ATP4A: variants seen among roughly 807,000 people sequenced by gnomAD.
The protein encoded by ATP4A is potassium-transporting ATPase alpha chain 1.
ATP4A carries 73 observed loss-of-function variants against 112.1 expected under a neutral mutation model. That is an observed-to-expected ratio of 0.65 (90% CI 0.54 to 0.79). The LOEUF (loss-of-function observed/expected upper bound fraction) is 0.79, where lower values mean the gene tolerates loss of function less well. ATP4A is among the 30% of genes least tolerant of loss of function. The pLI, the probability that ATP4A is intolerant of heterozygous loss-of-function variation, is 0.00. For synonymous variants in ATP4A, 588 were observed against 588.9 expected (o/e 1.00, Z 0.02); for missense variants, 1,081 against 1,425.9 (o/e 0.76, Z 3.90).
At position 35,550,608 on chromosome 19, in the gene ATP4A, C is replaced by T. The variant is rs767499926; in HGVS notation, c.*7G>A. The stretch of plus-strand genomic sequence containing the variant: ...AGTTGCAGGGATGCTTGAAGGCAGT[C>T]GTCCCTCTAATAGTAGAGTTCCTGG... On this transcript the variant is annotated 3_prime_UTR_variant, in exon 22 of 22. Coordinates refer to ENST00000262623, the MANE Select transcript of ATP4A (RefSeq NM_000704.3). The surrounding 1 kb of genome is among the most constrained non-coding windows in gnomAD (Gnocchi z 4.1). 36 of 1,613,726 alleles carry T rather than the reference C, an allele frequency of 2.2e-5. No homozygotes were observed. Among genetic ancestry groups the T allele is most frequent in the African/African-American group, 2.7e-5 (2 of 74,870 alleles).
Position 35,555,135 on chromosome 19 carries a change from C to T in ATP4A, c.2326+31G>A, listed in dbSNP as rs373242882. On this transcript the variant is annotated intron_variant, in intron 15 of 21. Transcript: ENST00000262623. The surrounding 1 kb of genome is among the most constrained non-coding windows in gnomAD (Gnocchi z 6.6). Reference sequence around the variant, plus strand: ...CAGCCCTCTCCCTCCTGTGCCCACACTGCCTGCCCTCCCCCTGGCGTGGCT... The same window carrying T: ...CAGCCCTCTCCCTCCTGTGCCCACATTGCCTGCCCTCCCCCTGGCGTGGCT... The T allele has an allele frequency of 4.6e-5, 74 of 1,614,070 alleles. No homozygotes were observed. In the African/African-American group the frequency reaches 6.4e-4, roughly 14 times the overall value.
rs1464586608 is a variant in ATP4A, at chr19:35,560,158, C to T, written c.788-85G>A. 3 of 1,565,000 alleles carry T rather than the reference C, an allele frequency of 1.9e-6. No individual in the cohort carries two copies. In the Admixed American group the frequency reaches 5.2e-5, roughly 27 times the overall value. On this transcript the variant is annotated intron_variant, in intron 6 of 21. Coordinates refer to ENST00000262623, the MANE Select transcript of ATP4A (RefSeq NM_000704.3). The surrounding 1 kb of genome is among the most constrained non-coding windows in gnomAD (Gnocchi z 5.1). ...GTGTGAGCTGAAGGACAGCCAGTCACTGCCAGTGGAGGATGTGACCTGGGA... is the reference window on the plus strand; with the variant it reads ...GTGTGAGCTGAAGGACAGCCAGTCATTGCCAGTGGAGGATGTGACCTGGGA...
intron 4 of ATP4A, 41 bp downstream of exon 4, chr19:35,562,394 A>G (rs773094164): frequency 1.3e-6 from 2 of 1,590,102 alleles, no homozygotes; most frequent in South Asian, 1.1e-5. Context: ...TTCCATCCCC[A>G]GGTCCCCATG....
chr19:35,553,967 A>G (rs1257036183), intron 16 of ATP4A, 138 bp from the exon 17 acceptor site: 1 of 1,291,978 alleles, frequency 7.7e-7, no homozygotes, highest in African/African-American at 1.5e-5. Flanking sequence ...CGGCACAGCC[A>G]CACCAGCCTG....
At position 35,551,305 on chromosome 19, in the gene ATP4A, C is replaced by T. The variant is rs2301617; in HGVS notation, c.2885+142G>A. On this transcript the variant is annotated intron_variant, in intron 19 of 21. Transcript: ENST00000262623. The surrounding 1 kb of genome is among the most constrained non-coding windows in gnomAD (Gnocchi z 5.2). ...AGGGGGCCGTGGGGGGAGTTATTGG[C>T]CAGTTAGAAAGGTTTTTTTGGCATG... The T allele has an allele frequency of 0.21, 288,536 of 1,379,284 alleles. 36,646 individuals are homozygous for T. Among genetic ancestry groups the T allele is most frequent in the East Asian group, 0.63 (25,459 of 40,488 alleles). 85.4% of individuals were successfully genotyped at this position (1,379,284 alleles called of 1,614,324 possible).
chr19:35,557,567 C>T lies in ATP4A; in HGVS notation c.1693+88G>A. On this transcript the variant is annotated intron_variant, in intron 11 of 21. Coordinates refer to ENST00000262623, the MANE Select transcript of ATP4A (RefSeq NM_000704.3). This position sits in a 1 kb window ranked among gnomAD's most constrained non-coding sequence, Gnocchi z 4.4. ...ATCAGCCAGCAGCCAGGGATGAGGA[C>T]GGTCAGGGCTGGGCCGGGAGTGGTG... 2 of 1,434,362 alleles carry T rather than the reference C, an allele frequency of 1.4e-6. No homozygotes were observed. The highest frequency in any genetic ancestry group is 2.5e-4 in the Middle Eastern group (1 of 3,952). The allele number at this position is 1,434,362 out of a possible 1,614,324, so 88.9% of individuals were successfully genotyped here.
At position 35,560,660 on chromosome 19, in the gene ATP4A, TGG is replaced by T; in HGVS notation, c.535-47_535-46del. ...AAGTTGAGGTGGACGGGGGTGGGGG[TGG>T]GAGCTGCTGCATGTGGGGAGGTAAA... On this transcript the variant is annotated intron_variant, in intron 5 of 21. Transcript: ENST00000262623. The surrounding 1 kb of genome is among the most constrained non-coding windows in gnomAD (Gnocchi z 5.1). 1 of 733,692 alleles carries T rather than the reference TGG, an allele frequency of 1.4e-6. No homozygotes were observed. The highest frequency in any genetic ancestry group is 2.0e-6 in the Non-Finnish European group (1 of 496,776). The allele number at this position is 733,692 out of a possible 1,614,324, so 45.4% of individuals were successfully genotyped here.
In ATP4A at chr19:35,551,062, AGCAGCCGAT is replaced by A. The variant is rs1298978588; in HGVS notation, c.2926_2934del (p.Ile976_Cys978del). 6.2e-7 allele frequency: 1 copy of A among 1,613,704 alleles called. No homozygotes were observed. Among genetic ancestry groups the A allele is most frequent in the Non-Finnish European group, 8.5e-7 (1 of 1,179,854 alleles). ...GGCATGCCGGGGCAGTAGCACAGGA[AGCAGCCGAT>A]GCAGACCTGGAACACGATGGCGATC... On this transcript the variant is annotated inframe_deletion, in exon 20 of 22. Transcript: ENST00000262623. The surrounding 1 kb of genome is among the most constrained non-coding windows in gnomAD (Gnocchi z 5.2).
Position 35,551,717 on chromosome 19 carries a change from G to T in ATP4A, c.2752-137C>A. The stretch of plus-strand genomic sequence containing the variant: ...CTCTGCCTTGCATCAGAGTGTGGGG[G>T]TGGGGGGAAGGAGAGAGGCAGGGTC... On this transcript the variant is annotated intron_variant, in intron 18 of 21. Coordinates refer to ENST00000262623, the MANE Select transcript of ATP4A (RefSeq NM_000704.3). This position sits in a 1 kb window ranked among gnomAD's most constrained non-coding sequence, Gnocchi z 5.2. The T allele has an allele frequency of 2.5e-6, 3 of 1,195,126 alleles. No individual in the cohort carries two copies. Among genetic ancestry groups the T allele is most frequent in the Non-Finnish European group, 3.5e-6 (3 of 853,786 alleles). The allele number at this position is 1,195,126 out of a possible 1,614,324, so 74.0% of individuals were successfully genotyped here.
In ATP4A at chr19:35,555,319, C is replaced by T. The variant is rs767066130; in HGVS notation, c.2173G>A (p.Val725Ile). The change falls in exon 15 of 22, where the codon GTC (valine) becomes ATC (isoleucine). Residue 725 changes from valine (V) to isoleucine (I), a missense_variant. Transcript: ENST00000262623. The surrounding 1 kb of genome is among the most constrained non-coding windows in gnomAD (Gnocchi z 6.6). ...SCQRLGAIVA[V>I]TGDGVNDSPA... is the part of the protein sequence containing the mutation. ...GAGTCATTCACACCATCCCCCGTGACGGCCACAATCGCACCCTGCAGGCAG... is the reference window on the plus strand; with the variant it reads ...GAGTCATTCACACCATCCCCCGTGATGGCCACAATCGCACCCTGCAGGCAG... 27 of 1,613,654 alleles carry T rather than the reference C, an allele frequency of 1.7e-5. No individual in the cohort carries two copies. The highest frequency in any genetic ancestry group is 2.1e-5 in the Non-Finnish European group (25 of 1,179,818).
intron 16 of ATP4A, 126 bp downstream of exon 16, chr19:35,554,796 C>T: frequency 1.5e-6 from 2 of 1,353,328 alleles, no homozygotes; most frequent in Non-Finnish European, 1.0e-6. Context: ...GCTGTCATTG[C>T]ACACACAGGT....
chr19:35,550,489 A>G lies in ATP4A; in HGVS notation c.*126T>C, dbSNP rs2071595067. 3 of 1,299,582 alleles carry G rather than the reference A, an allele frequency of 2.3e-6. No homozygotes were observed. Among genetic ancestry groups the G allele is most frequent in the Non-Finnish European group, 3.2e-6 (3 of 925,820 alleles). The allele number at this position is 1,299,582 out of a possible 1,614,324, so 80.5% of individuals were successfully genotyped here. A position where few individuals can be genotyped will look rare whatever the true frequency, so the allele number is the denominator to read the frequency against. ...AAGTTTGGGGTGCCGTGGGCTACAG[A>G]AGCAGATACTGGTGGGGCTGGGACT... On this transcript the variant is annotated 3_prime_UTR_variant, in exon 22 of 22. Coordinates refer to ENST00000262623, the MANE Select transcript of ATP4A (RefSeq NM_000704.3). This position sits in a 1 kb window ranked among gnomAD's most constrained non-coding sequence, Gnocchi z 4.1.
chr19:35,550,491 G>A lies in ATP4A; in HGVS notation c.*124C>T. 7.6e-7 allele frequency: 1 copy of A among 1,311,740 alleles called. No homozygotes were observed. Among genetic ancestry groups the A allele is most frequent in the Admixed American group, 2.0e-5 (1 of 49,480 alleles). 81.3% of individuals were successfully genotyped at this position (1,311,740 alleles called of 1,614,324 possible). On this transcript the variant is annotated 3_prime_UTR_variant, in exon 22 of 22. Transcript: ENST00000262623. The surrounding 1 kb of genome is among the most constrained non-coding windows in gnomAD (Gnocchi z 4.1). The stretch of plus-strand genomic sequence containing the variant: ...GTTTGGGGTGCCGTGGGCTACAGAA[G>A]CAGATACTGGTGGGGCTGGGACTCT...
chr19:35,559,297 G>T lies in ATP4A; in HGVS notation c.1057-106C>A. 1 of 1,196,432 alleles carries T rather than the reference G, an allele frequency of 8.4e-7. No homozygotes were observed. The highest frequency in any genetic ancestry group is 1.2e-6 in the Non-Finnish European group (1 of 833,902). The allele number at this position is 1,196,432 out of a possible 1,614,324, so 74.1% of individuals were successfully genotyped here. A position where few individuals can be genotyped will look rare whatever the true frequency, so the allele number is the denominator to read the frequency against. On this transcript the variant is annotated intron_variant, in intron 7 of 21. Coordinates refer to ENST00000262623, the MANE Select transcript of ATP4A (RefSeq NM_000704.3). The surrounding 1 kb of genome is among the most constrained non-coding windows in gnomAD (Gnocchi z 4.1). ...CTTTACCCCAGCCGCGGGGCTGCGT[G>T]TGCAACGTGCTTCTGCAAACACCAG...
At chr19:35,563,163 C>T (rs1478865022) in intron 3 of ATP4A, 46 bp downstream of exon 3, 3 of 1,606,086 alleles carry the variant, frequency 1.9e-6, no homozygotes, top group Non-Finnish European at 1.7e-6. Flanking sequence ...CCTCTCCCTC[C>T]CTCTCTCCTC....
At chr19:35,563,343 G>A (rs372031796) in intron 2 of ATP4A, 41 bp downstream of exon 2, 21 of 1,607,074 alleles carry the variant, frequency 1.3e-5, no homozygotes, top group African/African-American at 2.7e-5. Flanking sequence ...CTGGTTCCCA[G>A]CCTACCCTCC....
chr19:35,550,617 A>C lies in ATP4A; in HGVS notation c.3106T>G (p.Ter1036GluextTer44). 6.2e-7 allele frequency: 1 copy of C among 1,613,810 alleles called. No homozygotes were observed. The highest frequency in any genetic ancestry group is 8.5e-7 in the Non-Finnish European group (1 of 1,179,834). ...GATGCTTGAAGGCAGTCGTCCCTCT[A>C]ATAGTAGAGTTCCTGGTCCCACCAG... ...GSWWDQELYY[*>E] The change falls in exon 22 of 22, where the codon TAG (stop) becomes GAG (glutamate). Residue 1036 changes from the stop codon to glutamate, a stop_lost. Coordinates refer to ENST00000262623, the MANE Select transcript of ATP4A (RefSeq NM_000704.3). This position sits in a 1 kb window ranked among gnomAD's most constrained non-coding sequence, Gnocchi z 4.1.
rs573737194 is a variant in ATP4A at position 35,558,846 on chromosome 19, C to T, written c.1255+147G>A. On this transcript the variant is annotated intron_variant, in intron 8 of 21. Coordinates refer to ENST00000262623, the MANE Select transcript of ATP4A (RefSeq NM_000704.3). The surrounding 1 kb of genome is among the most constrained non-coding windows in gnomAD (Gnocchi z 5.1). ...GACCCAGCCCCCGGATGACCCTTCCCTCTAGACCCGGTAGCGAGTCTCCTT... is the reference window on the plus strand; with the variant it reads ...GACCCAGCCCCCGGATGACCCTTCCTTCTAGACCCGGTAGCGAGTCTCCTT... 1 of 1,280,362 alleles carries T rather than the reference C, an allele frequency of 7.8e-7. No individual in the cohort carries two copies. Among genetic ancestry groups the T allele is most frequent in the African/African-American group, 1.5e-5 (1 of 67,774 alleles). 79.3% of individuals were successfully genotyped at this position (1,280,362 alleles called of 1,614,324 possible).
Position 35,552,868 on chromosome 19 carries a change from G to A in ATP4A, c.2751+169C>T, listed in dbSNP as rs114688665. Among the ~76,000 whole-genome samples the A allele has an allele frequency of 1.6e-3, 243 of 148,682 alleles. 1 individual carries two copies. The highest frequency in any genetic ancestry group is 0.01 in the Middle Eastern group (3 of 292). On this transcript the variant is annotated intron_variant, in intron 18 of 21. Coordinates refer to ENST00000262623, the MANE Select transcript of ATP4A (RefSeq NM_000704.3). Reference sequence around the variant, plus strand: ...TCATCAGAAGCAGGAGTTTGGAGCTGGAGATGGTGGGAAAGGCCCTTGCCC... The same window carrying A: ...TCATCAGAAGCAGGAGTTTGGAGCTAGAGATGGTGGGAAAGGCCCTTGCCC...
Sources: gnomAD v4.1 joint callset for allele counts (sites outside exome capture counted in the v4.1 genomes callset) on GRCh38, gnomAD v4.1.1 for gene constraint, Gnocchi (gnomAD v3.1) non-coding constraint, MANE v1.5 for transcripts, NCBI Gene and HGNC (gene_info 2026-07-23, HGNC 2026-07-21) for gene names.